XYLT1: variants seen among roughly 807,000 people sequenced by gnomAD.
The protein encoded by XYLT1 is xylosyltransferase 1.
Under a neutral mutation model 91.3 loss-of-function variants are expected in XYLT1, and 36 were observed. The ratio of observed to expected loss-of-function variants is 0.39; its 90% CI spans 0.30 to 0.52. The LOEUF is 0.52. Among genes scored for constraint, XYLT1 ranks in the 20% least tolerant of loss-of-function variants. The pLI is 0.68. For missense variants in XYLT1, 1,242 were observed against 1,284.5 expected, an observed-to-expected ratio of 0.97 and a Z score of 0.51; for synonymous variants, 588 against 532.0, an observed-to-expected ratio of 1.11 and a Z score of -1.45.
chr16:17,386,002 A>C (rs2141887912), intron 1 of XYLT1, among the ~76,000 whole-genome samples: 1 of 152,328 alleles, frequency 6.6e-6, no homozygotes, highest in African/African-American at 2.4e-5. Flanking sequence ...ATTTACGGCA[A>C]GTGCTTCCAA....
intron 1 of XYLT1, among the ~76,000 whole-genome samples, chr16:17,464,103 A>AT (rs1223714715): frequency 2.0e-5 from 3 of 152,218 alleles, no homozygotes; most frequent in Non-Finnish European, 2.9e-5. Flanking sequence ...GATTGGAAGG[A>AT]TAAAAATCCA....
intron 2 of XYLT1, among the ~76,000 whole-genome samples, chr16:17,300,896 A>G (rs2034385598): frequency 6.6e-6 from 1 of 152,298 alleles, no homozygotes; most frequent in East Asian, 1.9e-4. Flanking sequence ...ACTGTGCTTT[A>G]AGCACCGTCT....
chr16:17,188,394 A>G (rs2032235664), intron 5 of XYLT1, among the ~76,000 whole-genome samples: 1 of 152,156 alleles, frequency 6.6e-6, no homozygotes, highest in Admixed American at 6.5e-5. Flanking sequence ...CCTCATTTGT[A>G]AGAAGGCAAA....
At chr16:17,157,582 A>C in intron 6 of XYLT1, among the ~76,000 whole-genome samples, 1 of 152,106 alleles carries the variant, frequency 6.6e-6, no homozygotes, top group Non-Finnish European at 1.5e-5. Flanking sequence ...GGGGCTATTA[A>C]TTTTCAAATG....
chr16:17,152,020 G>A (rs931636802), intron 6 of XYLT1, among the ~76,000 whole-genome samples: 1 of 152,050 alleles, frequency 6.6e-6, no homozygotes, highest in East Asian at 1.9e-4. Flanking sequence ...GTCTGTTGAG[G>A]GCTAATTGGT....
intron 2 of XYLT1, among the ~76,000 whole-genome samples, chr16:17,334,790 G>A (rs1327820306): frequency 6.6e-6 from 1 of 151,868 alleles, no homozygotes; most frequent in East Asian, 1.9e-4. Context: ...GGCTGAGGCA[G>A]GAGAATGGCG....
Position 17,470,656 on chromosome 16 carries a change from C to A in XYLT1, c.141G>T (p.Gly47=). The change falls in exon 1 of 12, where the codon GGG becomes GGT. Residue 47 remains glycine (G), a synonymous_variant. Transcript: ENST00000261381. ...GCTCCCCGCCGCCGACCGCTGCGCC[C>A]CCGCGGCGCTCCCCGGCCCCGGAGT... ...SLDSGAGERR[G]GAAVGGGEQP... 2 of 1,133,310 alleles carry A rather than the reference C, an allele frequency of 1.8e-6. No individual in the cohort carries two copies. Among genetic ancestry groups the A allele is most frequent in the South Asian group, 2.0e-5 (1 of 50,912 alleles). The allele number at this position is 1,133,310 out of a possible 1,614,324, so 70.2% of individuals were successfully genotyped here. A position where few individuals can be genotyped will look rare whatever the true frequency, so the allele number is the denominator to read the frequency against.
intron 1 of XYLT1, among the ~76,000 whole-genome samples, chr16:17,406,429 C>G (rs781151979): frequency 2.6e-4 from 40 of 152,344 alleles, no homozygotes; most frequent in South Asian, 4.1e-4. Flanking sequence ...AGGTCTCTCC[C>G]AGGGTTCCTG....
chr16:17,453,460 T>C (rs1479115026), intron 1 of XYLT1, among the ~76,000 whole-genome samples: 1 of 152,214 alleles, frequency 6.6e-6, no homozygotes, highest in Non-Finnish European at 1.5e-5. Context: ...CTTCCAACCC[T>C]GTCAGTGCTA....
chr16:17,418,380 T>C (rs756937543), intron 1 of XYLT1, among the ~76,000 whole-genome samples: 8 of 152,218 alleles, frequency 5.3e-5, no homozygotes, highest in Non-Finnish European at 1.0e-4. Context: ...TCTCTTTTCT[T>C]TTTAACCATA....
At chr16:17,386,080 C>T (rs1326743670) in intron 1 of XYLT1, among the ~76,000 whole-genome samples, 1 of 152,048 alleles carries the variant, frequency 6.6e-6, no homozygotes, top group African/African-American at 2.4e-5. Flanking sequence ...GGGGGAAAAC[C>T]GGTATCGCTT....
At chr16:17,457,824 C>A (rs879356348) in intron 1 of XYLT1, among the ~76,000 whole-genome samples, 4 of 151,916 alleles carry the variant, frequency 2.6e-5, no homozygotes, top group Non-Finnish European at 4.4e-5. Context: ...AAAGCATAGT[C>A]CTCCATTAAA....
At chr16:17,398,325 T>G (rs1389746801) in intron 1 of XYLT1, among the ~76,000 whole-genome samples, 5 of 152,138 alleles carry the variant, frequency 3.3e-5, no homozygotes, top group African/African-American at 1.2e-4. Context: ...GCTTAGAATG[T>G]CACAGGGAGG....
chr16:17,143,775 CCAT>C (rs1474431782), intron 6 of XYLT1, among the ~76,000 whole-genome samples: 1 of 150,806 alleles, frequency 6.6e-6, no homozygotes, highest in Non-Finnish European at 1.5e-5. Flanking sequence ...GTCATCACCA[CCAT>C]CGTCATCATC....
intron 3 of XYLT1, among the ~76,000 whole-genome samples, chr16:17,246,001 T>C (rs1467963114): frequency 6.6e-6 from 1 of 152,164 alleles, no homozygotes; most frequent in African/African-American, 2.4e-5. Context: ...AACAGACAGA[T>C]TGAGCACAAG....
chr16:17,153,760 T>C (rs1049696358), intron 6 of XYLT1, among the ~76,000 whole-genome samples: 8 of 152,200 alleles, frequency 5.3e-5, no homozygotes, highest in Non-Finnish European at 1.2e-4. Flanking sequence ...CCCCATGTCC[T>C]GGTGGCACAT....
intron 1 of XYLT1, among the ~76,000 whole-genome samples, chr16:17,391,931 T>G (rs1008690396): frequency 5.3e-5 from 8 of 152,232 alleles, no homozygotes; most frequent in African/African-American, 1.9e-4. Context: ...GCTCCTCATT[T>G]GCCTTCCGTC....
rs114497895 is a variant in XYLT1 at position 17,116,587 on chromosome 16, C to T, written c.2557+1059G>A. 4.5e-3 allele frequency among the ~76,000 whole-genome samples: 682 copies of T among 152,308 alleles called. 4 individuals carry two copies. The highest frequency in any genetic ancestry group is 0.015 in the African/African-American group (621 of 41,558). On this transcript the variant is annotated intron_variant, in intron 11 of 11. Transcript: ENST00000261381. ...TTTCTCCTTTCCAGTGTCAGGCAAT[C>T]AGACCGTTTCTGGTTTTGTGCTATT...
At chr16:17,453,598 G>A (rs1260990416) in intron 1 of XYLT1, among the ~76,000 whole-genome samples, 7 of 152,156 alleles carry the variant, frequency 4.6e-5, no homozygotes, top group Admixed American at 3.9e-4. Flanking sequence ...TCCGTGCTCC[G>A]ATGCTGTGGC....
Sources: allele counts gnomAD v4.1 joint callset (sites outside exome capture counted in the v4.1 genomes callset), GRCh38; gene constraint gnomAD v4.1.1; transcripts MANE v1.5; gene names NCBI Gene and HGNC (gene_info 2026-07-23, HGNC 2026-07-21).